The following RAB27A variants were observed in gnomAD, a reference collection of about 807,000 sequenced individuals.
RAB27A encodes the protein RAB27A, member RAS oncogene family, also known as ras-related protein Rab-27A.
Under a neutral mutation model 20.8 loss-of-function variants are expected in RAB27A, and 17 were observed. The ratio of observed to expected loss-of-function variants is 0.82; its 90% CI spans 0.56 to 1.23. The LOEUF (loss-of-function observed/expected upper bound fraction) is 1.23, where lower values mean the gene tolerates loss of function less well. Among genes scored for constraint, RAB27A ranks in the 50% most tolerant of loss-of-function variants. RAB27A has a pLI of 0.00. For synonymous variants in RAB27A, 85 were observed against 92.8 expected (o/e 0.92, Z 0.48); for missense variants, 277 against 266.7 (o/e 1.04, Z -0.27).
Position 55,205,574 on chromosome 15 carries a change from C to T in RAB27A, c.599G>A (p.Arg200Gln), listed in dbSNP as rs938803566. The T allele has an allele frequency of 1.1e-5, 18 of 1,614,034 alleles. No homozygotes were observed. The highest frequency in any genetic ancestry group is 6.7e-5 in the African/African-American group (5 of 74,920). ...ATCCGTAGAGGCATGACCATTTGAT[C>T]GCACCACTCCTTCAGGAATCCAGGA... Reference protein sequence around the residue: ...DKSWIPEGVVRSNGHASTDQL... With the variant: ...DKSWIPEGVVQSNGHASTDQL... The change falls in exon 7 of 7, where the codon CGA (arginine) becomes CAA (glutamine). Residue 200 changes from arginine to glutamine, a missense_variant. Arg to Gln is a conservative substitution (Grantham distance 43). Transcript: ENST00000336787.
chr15:55,239,007 T>C (rs1896376995), intron 2 of RAB27A, among the ~76,000 whole-genome samples: 1 of 152,232 alleles, frequency 6.6e-6, no homozygotes, highest in African/African-American at 2.4e-5. Flanking sequence ...ACCAAAATTA[T>C]TGGAGTCTCA....
chr15:55,262,407 T>A (rs948399795), intron 2 of RAB27A, among the ~76,000 whole-genome samples: 1 of 151,396 alleles, frequency 6.6e-6, no homozygotes, highest in Non-Finnish European at 1.5e-5. Flanking sequence ...CCGGGCGTGG[T>A]GGTAGGCACC....
At chr15:55,246,857 T>G (rs1458077381) in intron 2 of RAB27A, among the ~76,000 whole-genome samples, 1 of 151,892 alleles carries the variant, frequency 6.6e-6, no homozygotes, top group African/African-American at 2.4e-5. Flanking sequence ...CAAAGTATGC[T>G]CCCACTGAGT....
At chr15:55,276,789 A>G (rs1897886070) in intron 1 of RAB27A, among the ~76,000 whole-genome samples, 1 of 152,214 alleles carries the variant, frequency 6.6e-6, no homozygotes, top group Non-Finnish European at 1.5e-5. Flanking sequence ...TCTGCTAAGA[A>G]GATAGATCCA....
rs542985841 is a variant in RAB27A at position 55,271,710 on chromosome 15, T to C, written c.-142-1426A>G. ...TGTTCATTCACCCCACAATCACTTA[T>C]TGAGCACTTATGAATTATTGGGTGA... On this transcript the variant is annotated intron_variant, in intron 1 of 6. Transcript: ENST00000336787. 6.6e-5 allele frequency among the ~76,000 whole-genome samples: 10 copies of C among 152,384 alleles called. No individual in the cohort carries two copies. The East Asian group carries it at 1.5e-3, about 23-fold the overall frequency.
At chr15:55,292,215 T>C (rs1357737580), upstream of RAB27A, among the ~76,000 whole-genome samples, 1 of 152,226 alleles carries the variant, frequency 6.6e-6, no homozygotes, top group Non-Finnish European at 1.5e-5. Flanking sequence ...AGTCAGCCAA[T>C]ATGCTAATAG....
intron 1 of RAB27A, among the ~76,000 whole-genome samples, chr15:55,315,487 A>C (rs1431181587): frequency 6.6e-6 from 1 of 152,210 alleles, no homozygotes; most frequent in East Asian, 1.9e-4. Context: ...AGAATGGGAG[A>C]AAATTTTCGT....
chr15:55,227,240 T>C (rs1228910851), intron 5 of RAB27A, among the ~76,000 whole-genome samples: 1 of 152,118 alleles, frequency 6.6e-6, no homozygotes, highest in East Asian at 1.9e-4. Flanking sequence ...TGTCTCAGAG[T>C]TTTAGTGTCT....
At chr15:55,235,096 A>G (rs949779215) in intron 2 of RAB27A, 140 bp from the exon 3 acceptor site, 2 of 699,558 alleles carry the variant, frequency 2.9e-6, no homozygotes, top group African/African-American at 3.6e-5. Flanking sequence ...AGAGTTACAT[A>G]CATATTGTTC....
intron 2 of RAB27A, among the ~76,000 whole-genome samples, chr15:55,264,508 G>A (rs1478322983): frequency 6.6e-6 from 1 of 152,198 alleles, no homozygotes; most frequent in East Asian, 1.9e-4. Flanking sequence ...AATGACAAAT[G>A]TGAAATTATC....
intron 6 of RAB27A, among the ~76,000 whole-genome samples, chr15:55,214,315 A>G (rs1217792944): frequency 6.6e-6 from 1 of 152,222 alleles, no homozygotes; most frequent in South Asian, 2.1e-4. Context: ...GGACGCCTGT[A>G]GTCCCAGCTA....
intron 2 of RAB27A, chr15:55,259,821 G>A (rs868867223): frequency 2.0e-5 from 3 of 152,030 alleles, no homozygotes; most frequent in Admixed American, 1.3e-4. Context: ...TTTACATTTG[G>A]TTTCGCTGGT....
chr15:55,239,330 A>G (rs1896389859), intron 2 of RAB27A, among the ~76,000 whole-genome samples: 1 of 152,232 alleles, frequency 6.6e-6, no homozygotes, highest in Non-Finnish European at 1.5e-5. Context: ...ACAGTTCAAA[A>G]CTAGAAATGT....
chr15:55,224,146 G>A lies in RAB27A; in HGVS notation c.344-134C>T, dbSNP rs1895703864. On this transcript the variant is annotated intron_variant, in intron 5 of 6. Coordinates refer to ENST00000336787, the MANE Select transcript of RAB27A (RefSeq NM_183235.3). ...TGGGAATTGACATAATGCTTTCAAA[G>A]CATCAGTAATCTTATCTGTAAAGCT... 5.8e-6 allele frequency: 4 copies of A among 685,666 alleles called. No homozygotes were observed. In the South Asian group the frequency reaches 6.8e-5, roughly 12 times the overall value. The allele number at this position is 685,666 out of a possible 1,614,324, so 42.5% of individuals were successfully genotyped here.
intron 2 of RAB27A, among the ~76,000 whole-genome samples, chr15:55,245,572 A>G (rs879736590): frequency 3.3e-5 from 5 of 152,236 alleles, no homozygotes; most frequent in African/African-American, 7.2e-5. Context: ...TAATAATAAC[A>G]TAAGTCCATC....
intron 2 of RAB27A, among the ~76,000 whole-genome samples, chr15:55,255,607 G>A (rs573951627): frequency 1.3e-5 from 2 of 152,222 alleles, no homozygotes; most frequent in South Asian, 4.1e-4. Context: ...AAAGTGTTTG[G>A]GGACTCCACT....
chr15:55,236,865 C>G (rs1426007977), intron 2 of RAB27A, among the ~76,000 whole-genome samples: 1 of 152,104 alleles, frequency 6.6e-6, no homozygotes, highest in African/African-American at 2.4e-5. Context: ...TTCAAGTCCT[C>G]TCTTCTAGCT....
At chr15:55,241,469 G>A (rs1467160492) in intron 2 of RAB27A, among the ~76,000 whole-genome samples, 2 of 151,716 alleles carry the variant, frequency 1.3e-5, no homozygotes, top group Non-Finnish European at 2.9e-5. Flanking sequence ...GTGAGAGAAA[G>A]TCTATCATCT....
chr15:55,317,513 C>T lies in RAB27A; in HGVS notation c.-234+1418G>A, dbSNP rs1337188412. The T allele has an allele frequency of 7.0e-5, 24 of 341,384 alleles. No homozygotes were observed. The East Asian group carries it at 9.6e-4, about 14-fold the overall frequency. 21.1% of individuals were successfully genotyped at this position (341,384 alleles called of 1,614,324 possible). On this transcript the variant is annotated intron_variant, in intron 1 of 5. Transcript: ENST00000563262. The stretch of plus-strand genomic sequence containing the variant: ...TATTTTCAGTAGAGACAGGGTTTCA[C>T]CATGTTGGTCAGGCTGGTCTTGAAC...
Sources: allele counts gnomAD v4.1 joint callset (sites outside exome capture counted in the v4.1 genomes callset), GRCh38; gene constraint gnomAD v4.1.1; transcripts MANE v1.5; gene names NCBI Gene and HGNC (gene_info 2026-07-23, HGNC 2026-07-21).